The following HTR2C variants were observed in gnomAD, a reference collection of about 807,000 sequenced individuals.
HTR2C encodes the protein 5-hydroxytryptamine (serotonin) receptor 2C, G protein-coupled.
A neutral mutation model predicts 21.0 loss-of-function variants in HTR2C; 5 were observed. That is an observed-to-expected ratio of 0.24 (90% CI 0.12 to 0.50). HTR2C has a LOEUF of 0.50. Among genes scored for constraint, HTR2C ranks in the 20% least tolerant of loss-of-function variants. The pLI, the probability that HTR2C is intolerant of heterozygous loss-of-function variation, is 0.98. For missense variants in HTR2C, 271 were observed against 371.2 expected (o/e 0.73, Z 2.22); for synonymous variants, 150 against 145.3 (o/e 1.03, Z -0.23).
At chrX:114,710,779 G>T (rs1220694789) in intron 2 of HTR2C, among the ~76,000 whole-genome samples, 1 of 110,965 alleles carries the variant, frequency 9.0e-6, no homozygotes, top group Non-Finnish European at 1.9e-5. Flanking sequence ...ACTTCCCAGG[G>T]TATATCACAA....
intron 4 of HTR2C, among the ~76,000 whole-genome samples, chrX:114,843,506 AATATAT>A (rs2070850861): frequency 1.8e-5 from 2 of 111,453 alleles, no homozygotes; most frequent in Non-Finnish European, 3.8e-5. Context: ...CAAGTTTACC[AATATAT>A]GCACAATGGG....
chrX:114,600,572 G>A (rs1347974641), intron 1 of HTR2C, among the ~76,000 whole-genome samples: 1 of 110,060 alleles, frequency 9.1e-6, no homozygotes, highest in African/African-American at 3.3e-5. Flanking sequence ...GAAAATAAAA[G>A]GTGAATCACA....
intron 4 of HTR2C, among the ~76,000 whole-genome samples, chrX:114,822,306 C>A (rs2070642043): frequency 8.9e-6 from 1 of 111,850 alleles, no homozygotes; most frequent in South Asian, 3.7e-4. Flanking sequence ...AAAATCCAAA[C>A]CAGAAAATCT....
intron 2 of HTR2C, among the ~76,000 whole-genome samples, chrX:114,624,194 C>G (rs148572569): frequency 9.0e-6 from 1 of 110,660 alleles, no homozygotes; most frequent in African/African-American, 3.3e-5. Context: ...CCCCACCCAG[C>G]CCCAAAAGTT....
chrX:114,644,865 G>A (rs1556407242), intron 2 of HTR2C, among the ~76,000 whole-genome samples: 2 of 111,099 alleles, frequency 1.8e-5, no homozygotes, highest in East Asian at 2.8e-4. Flanking sequence ...GTTTGTCCAT[G>A]TCATGATGTA....
At chrX:114,877,936 T>C (rs1488169686) in intron 5 of HTR2C, among the ~76,000 whole-genome samples, 1 of 110,901 alleles carries the variant, frequency 9.0e-6, no homozygotes. Context: ...TCTGTTATTG[T>C]TGGATGTAAA....
chrX:114,890,866 G>A (rs377136157), intron 5 of HTR2C, among the ~76,000 whole-genome samples: 1 of 111,146 alleles, frequency 9.0e-6, no homozygotes, highest in Admixed American at 9.6e-5. Context: ...TGAAAATGTG[G>A]GTTAAACTTT....
intron 2 of HTR2C, among the ~76,000 whole-genome samples, chrX:114,692,707 A>G (rs2147861591): frequency 8.9e-6 from 1 of 111,779 alleles, no homozygotes; most frequent in East Asian, 2.8e-4. Flanking sequence ...GTATTATAAG[A>G]ATAAGTATTG....
chrX:114,831,165 C>T lies in HTR2C; in HGVS notation c.350-16838C>T, dbSNP rs1244572864. Among the ~76,000 whole-genome samples the T allele has an allele frequency of 1.4e-3, 135 of 97,319 alleles. 2 individuals carry two copies. Among genetic ancestry groups the T allele is most frequent in the African/African-American group, 4.6e-3 (126 of 27,215 alleles). The allele number at this position is 97,319 out of a possible 115,157, so 84.5% of individuals were successfully genotyped here. A position where few individuals can be genotyped will look rare whatever the true frequency, so the allele number is the denominator to read the frequency against. ...TAATGCCGCAATAAACATACATGTG[C>T]ATGTGTCTTTATAGCAGCATGATTT... On this transcript the variant is annotated intron_variant, in intron 4 of 5. Coordinates refer to ENST00000276198, the MANE Select transcript of HTR2C (RefSeq NM_000868.4).
intron 4 of HTR2C, chrX:114,763,328 G>T: frequency 8.0e-6 from 1 of 125,186 alleles, no homozygotes. Context: ...GTCACCCGGG[G>T]CTGCCAAATC....
intron 1 of HTR2C, among the ~76,000 whole-genome samples, chrX:114,594,617 A>C (rs1449494154): frequency 9.0e-6 from 1 of 111,515 alleles, no homozygotes; most frequent in Admixed American, 9.5e-5. Flanking sequence ...TCTAGTTCAA[A>C]AGTTTTCATT....
chrX:114,797,507 C>A, intron 4 of HTR2C, among the ~76,000 whole-genome samples: 1 of 109,850 alleles, frequency 9.1e-6, no homozygotes, highest in Non-Finnish European at 1.9e-5. Flanking sequence ...TAACCTATGC[C>A]ACAGTGTATA....
Position 114,907,665 on chromosome X carries a change from C to A in HTR2C, c.*250C>A, listed in dbSNP as rs1784366729. 2 of 282,234 alleles carry A rather than the reference C, an allele frequency of 7.1e-6. No homozygotes were observed. Among genetic ancestry groups the A allele is most frequent in the Non-Finnish European group, 1.2e-5 (2 of 161,029 alleles). The allele number at this position is 282,234 out of a possible 1,213,427, so 23.3% of individuals were successfully genotyped here. A position where few individuals can be genotyped will look rare whatever the true frequency, so the allele number is the denominator to read the frequency against. The stretch of plus-strand genomic sequence containing the variant: ...TTGATGAATAAAATGTTTATTTTTG[C>A]TCTCCCTCCCTTCTTTCCTTCCTTT... On this transcript the variant is annotated 3_prime_UTR_variant, in exon 6 of 6. Transcript: ENST00000276198.
intron 3 of HTR2C, among the ~76,000 whole-genome samples, chrX:114,730,618 G>A (rs1431496569): frequency 9.0e-6 from 1 of 111,411 alleles, no homozygotes; most frequent in Non-Finnish European, 1.9e-5. Flanking sequence ...AAAACCCACT[G>A]TACCTCTTCC....
chrX:114,644,358 AATAAATATAT>A (rs1371357847), intron 2 of HTR2C, among the ~76,000 whole-genome samples: 11 of 16,511 alleles, frequency 6.7e-4, no homozygotes, highest in African/African-American at 1.8e-3. Context: ...TAAATAAATA[AATAAATATAT>A]ATATATATAT....
intron 2 of HTR2C, among the ~76,000 whole-genome samples, chrX:114,638,753 C>A (rs1403124057): frequency 2.1e-5 from 2 of 95,959 alleles, no homozygotes; most frequent in Admixed American, 1.2e-4. Context: ...TCAATTCCCA[C>A]CTATGAGTGA....
chrX:114,790,318 G>A (rs1177238442), intron 4 of HTR2C, among the ~76,000 whole-genome samples: 1 of 111,754 alleles, frequency 8.9e-6, no homozygotes, highest in East Asian at 2.8e-4. Flanking sequence ...TCAGTTCTAT[G>A]TCCTTCCAAA....
In HTR2C at chrX:114,830,759, A is replaced by G. The variant is rs782422028; in HGVS notation, c.350-17244A>G. ...TGTGCACATTGTGCAGGTTAGTTAC[A>G]TATGTATACATGTGCCATGCTGGTG... On this transcript the variant is annotated intron_variant, in intron 4 of 5. Transcript: ENST00000276198. Among the ~76,000 whole-genome samples the G allele has an allele frequency of 6.6e-3, 682 of 103,117 alleles. 3 individuals are homozygous for G. The highest frequency in any genetic ancestry group is 0.022 in the African/African-American group (618 of 28,440). 89.5% of individuals were successfully genotyped at this position (103,117 alleles called of 115,157 possible). A position where few individuals can be genotyped will look rare whatever the true frequency, so the allele number is the denominator to read the frequency against.
intron 4 of HTR2C, among the ~76,000 whole-genome samples, chrX:114,806,991 TATATATACCATATATATCAC>T (rs200096415): frequency 0.038 from 3,525 of 91,998 alleles, 749 homozygotes; most frequent in African/African-American, 0.14. Context: ...ATATACCACA[TATATATACCATATATATCAC>T]ATATATACCA....
Sources: allele counts gnomAD v4.1 joint callset (sites outside exome capture counted in the v4.1 genomes callset), GRCh38; gene constraint gnomAD v4.1.1; transcripts MANE v1.5; gene names NCBI Gene and HGNC (gene_info 2026-07-23, HGNC 2026-07-21).